XKR6: variants seen among roughly 807,000 people sequenced by gnomAD.
XKR6 encodes the protein XK-related protein 6.
In XKR6, 22 loss-of-function variants were observed where a neutral mutation model predicts 56.7. The observed-to-expected ratio is 0.39, with a 90% CI of 0.28 to 0.55. The LOEUF (loss-of-function observed/expected upper bound fraction) is 0.55, where lower values mean the gene tolerates loss of function less well. Among genes scored for constraint, XKR6 ranks in the 20% least tolerant of loss-of-function variants. The probability of loss-of-function intolerance (pLI) is 0.66; values close to 1 mark genes in which losing one functional copy is unlikely to be tolerated. For synonymous variants in XKR6, 524 were observed against 387.8 expected (o/e 1.35, Z -4.13); for missense variants, 852 against 889.0 (o/e 0.96, Z 0.53).
intron 1 of XKR6, among the ~76,000 whole-genome samples, chr8:11,110,255 G>A (rs1003250354): frequency 1.3e-5 from 2 of 152,150 alleles, no homozygotes; most frequent in East Asian, 1.9e-4. Flanking sequence ...TTACAGGCGT[G>A]AGCCACTGCG....
chr8:10,950,628 A>T (rs1021908481), intron 1 of XKR6, among the ~76,000 whole-genome samples: 4 of 152,238 alleles, frequency 2.6e-5, no homozygotes, highest in Non-Finnish European at 5.9e-5. Context: ...CCCTGACAAG[A>T]ACAGAAAACC....
chr8:10,919,103 T>A (rs1396853855), intron 2 of XKR6, among the ~76,000 whole-genome samples: 2 of 152,204 alleles, frequency 1.3e-5, no homozygotes, highest in Non-Finnish European at 2.9e-5. Flanking sequence ...ATTGGGGCCC[T>A]GCCTTTCTCT....
At chr8:10,971,780 G>A (rs1426278443) in intron 1 of XKR6, among the ~76,000 whole-genome samples, 1 of 152,166 alleles carries the variant, frequency 6.6e-6, no homozygotes, top group African/African-American at 2.4e-5. Context: ...GGGGACGCTG[G>A]CCACCCACCA....
intron 1 of XKR6, among the ~76,000 whole-genome samples, chr8:11,169,348 T>C (rs754090017): frequency 7.2e-5 from 11 of 152,306 alleles, no homozygotes; most frequent in Admixed American, 1.3e-4. Context: ...TTGTGGTGCA[T>C]TGGTGACACT....
chr8:10,916,770 C>T (rs1800576001), intron 2 of XKR6, among the ~76,000 whole-genome samples: 1 of 152,240 alleles, frequency 6.6e-6, no homozygotes, highest in African/African-American at 2.4e-5. Context: ...ACAGACATTT[C>T]TGCTTAATGG....
chr8:11,119,091 T>G (rs1288650375), intron 1 of XKR6, among the ~76,000 whole-genome samples: 2 of 152,134 alleles, frequency 1.3e-5, no homozygotes, highest in Non-Finnish European at 2.9e-5. Context: ...AGGAGCAGGT[T>G]GTTCAGTTTC....
At chr8:11,195,115 G>A in intron 1 of XKR6, 1 of 702,992 alleles carries the variant, frequency 1.4e-6, no homozygotes. Flanking sequence ...AAGTATTTCT[G>A]GATTTTTCAG....
chr8:10,946,074 G>C (rs1801528990), intron 1 of XKR6, among the ~76,000 whole-genome samples: 2 of 151,990 alleles, frequency 1.3e-5, no homozygotes, highest in South Asian at 4.2e-4. Context: ...CCCGTGATGG[G>C]AAGGCCACTT....
At chr8:11,030,904 TG>T in intron 1 of XKR6, among the ~76,000 whole-genome samples, 1 of 152,224 alleles carries the variant, frequency 6.6e-6, no homozygotes. Flanking sequence ...ATGTGGTATT[TG>T]TTACAACTGC....
chr8:10,951,004 C>T (rs946088509), intron 1 of XKR6, among the ~76,000 whole-genome samples: 5 of 151,704 alleles, frequency 3.3e-5, no homozygotes, highest in Admixed American at 2.0e-4. Context: ...CTGACTGTGG[C>T]CCCAGAACCT....
At chr8:11,102,371 T>C (rs1336194305) in intron 1 of XKR6, among the ~76,000 whole-genome samples, 2 of 152,158 alleles carry the variant, frequency 1.3e-5, no homozygotes, top group Non-Finnish European at 2.9e-5. Flanking sequence ...GCCTGAAGTC[T>C]AGTAAGCATC....
At chr8:10,904,504 A>T (rs1211486307) in intron 2 of XKR6, among the ~76,000 whole-genome samples, 2 of 152,124 alleles carry the variant, frequency 1.3e-5, no homozygotes, top group African/African-American at 4.8e-5. Context: ...ACGTGTGGAT[A>T]TGGGTGCCCT....
Position 11,147,363 on chromosome 8 carries a change from T to C in XKR6, c.764+53213A>G, listed in dbSNP as rs1473226751. ...CATGAAATCTCAACGGACACTTCAC[T>C]AAAGAAGATATATGGATGGCGGCCA... On this transcript the variant is annotated intron_variant, in intron 1 of 2. Coordinates refer to ENST00000416569, the MANE Select transcript of XKR6 (RefSeq NM_173683.4). Among the ~76,000 whole-genome samples the C allele has an allele frequency of 3.3e-5, 5 of 152,212 alleles. 1 individual carries two copies. In the South Asian group the frequency reaches 1.0e-3, roughly 32 times the overall value.
chr8:11,049,969 C>T (rs11250113), intron 1 of XKR6, among the ~76,000 whole-genome samples: 54,745 of 152,004 alleles, frequency 0.36, 11,987 homozygotes, highest in East Asian at 0.79. Flanking sequence ...TTGCCTTTCC[C>T]GGGCCCCTCG....
chr8:11,034,113 C>T (rs1042494684), intron 1 of XKR6, among the ~76,000 whole-genome samples: 14 of 152,146 alleles, frequency 9.2e-5, no homozygotes, highest in African/African-American at 1.9e-4. Flanking sequence ...TCACATAAAA[C>T]GCATGCCTCA....
At chr8:11,068,131 C>T (rs541937683) in intron 1 of XKR6, among the ~76,000 whole-genome samples, 63 of 152,348 alleles carry the variant, frequency 4.1e-4, no homozygotes, top group African/African-American at 1.4e-3. Flanking sequence ...CAGCCTCTCC[C>T]AGCCCATCTG....
Position 11,109,971 on chromosome 8 carries a change from G to C in XKR6, c.764+90605C>G, listed in dbSNP as rs574257354. Among the ~76,000 whole-genome samples the C allele has an allele frequency of 2.1e-4, 32 of 151,898 alleles. 1 individual carries two copies. The South Asian group carries it at 6.4e-3, about 31-fold the overall frequency. On this transcript the variant is annotated intron_variant, in intron 1 of 2. Transcript: ENST00000416569. ...AAAACCTACTTAATGTTGTTTTTTT[G>C]TTTTTGTTTGTTTGTCTTTGACATG...
chr8:11,047,902 C>T, intron 1 of XKR6, among the ~76,000 whole-genome samples: 1 of 152,164 alleles, frequency 6.6e-6, no homozygotes, highest in East Asian at 1.9e-4. Context: ...ATCTTTACAA[C>T]CTTCTGATTA....
chr8:11,159,785 G>C (rs1391410475), intron 1 of XKR6, among the ~76,000 whole-genome samples: 1 of 152,222 alleles, frequency 6.6e-6, no homozygotes, highest in Non-Finnish European at 1.5e-5. Flanking sequence ...TCTAGCCAAG[G>C]AGGGGCAACT....
Sources: gnomAD v4.1 joint callset for allele counts (sites outside exome capture counted in the v4.1 genomes callset) on GRCh38, gnomAD v4.1.1 for gene constraint, MANE v1.5 for transcripts, NCBI Gene and HGNC (gene_info 2026-07-23, HGNC 2026-07-21) for gene names.